SERTM1: variants seen among roughly 807,000 people sequenced by gnomAD.
SERTM1 encodes serine-rich and transmembrane domain-containing protein 1.
In SERTM1, 1 loss-of-function variant was observed where a neutral mutation model predicts 5.5. The observed-to-expected ratio is 0.18, with a 90% CI of 0.06 to 0.86. SERTM1 has a LOEUF of 0.86. Among genes scored for constraint, SERTM1 ranks in the 40% least tolerant of loss-of-function variants. The probability of loss-of-function intolerance (pLI) is 0.69; values close to 1 mark genes in which losing one functional copy is unlikely to be tolerated. For missense variants in SERTM1, 91 were observed against 122.4 expected (o/e 0.74, Z 1.21); for synonymous variants, 52 against 55.1 (o/e 0.94, Z 0.25).
chr13:36,689,456 G>A (rs1593398454), intron 1 of SERTM1, among the ~76,000 whole-genome samples: 1 of 150,880 alleles, frequency 6.6e-6, no homozygotes, highest in East Asian at 1.9e-4. Context: ...AGTGAGCCGA[G>A]ATCATGCCAC....
chr13:36,675,738 C>T (rs532314731), intron 1 of SERTM1, among the ~76,000 whole-genome samples: 5 of 152,184 alleles, frequency 3.3e-5, no homozygotes, highest in African/African-American at 4.8e-5. Context: ...GTGAGTGAGG[C>T]TGCCTGGTCT....
chr13:36,694,016 C>A (rs1358944594), intron 1 of SERTM1, among the ~76,000 whole-genome samples: 3 of 152,154 alleles, frequency 2.0e-5, no homozygotes, highest in Non-Finnish European at 2.9e-5. Context: ...CCACCAAGTC[C>A]CATTATCTCC....
chr13:36,684,870 A>G (rs1383904378), intron 1 of SERTM1, among the ~76,000 whole-genome samples: 1 of 152,192 alleles, frequency 6.6e-6, no homozygotes, highest in Non-Finnish European at 1.5e-5. Flanking sequence ...AATTTCCTTG[A>G]GTGAAAACAT....
chr13:36,686,853 G>T (rs1255345827), intron 1 of SERTM1, among the ~76,000 whole-genome samples: 2 of 152,124 alleles, frequency 1.3e-5, no homozygotes, highest in Admixed American at 6.5e-5. Flanking sequence ...AAATCTTGAA[G>T]TCTGAATCCT....
intron 1 of SERTM1, among the ~76,000 whole-genome samples, chr13:36,689,184 A>T (rs2056761316): frequency 6.6e-6 from 1 of 152,116 alleles, no homozygotes; most frequent in South Asian, 2.1e-4. Flanking sequence ...CCTCCCATGG[A>T]TGTAAACATA....
chr13:36,677,021 G>A (rs1011944503), intron 1 of SERTM1, among the ~76,000 whole-genome samples: 1 of 152,052 alleles, frequency 6.6e-6, no homozygotes, highest in Non-Finnish European at 1.5e-5. Context: ...TGCATTCACG[G>A]GCCATTTCAG....
chr13:36,682,590 A>G (rs2056711984), intron 1 of SERTM1, among the ~76,000 whole-genome samples: 1 of 152,216 alleles, frequency 6.6e-6, no homozygotes, highest in Admixed American at 6.5e-5. Context: ...TACACATATA[A>G]GGATTGAACA....
At chr13:36,682,536 C>A (rs115193742) in intron 1 of SERTM1, among the ~76,000 whole-genome samples, 2,075 of 152,166 alleles carry the variant, frequency 0.014, 52 homozygotes, top group African/African-American at 0.048. Context: ...TAGAGACCTG[C>A]AGTGAATAAA....
rs2056818569 is a variant in SERTM1 at position 36,696,970 on chromosome 13, T to C, written c.*1568T>C. ...GAATCCACTATTTGTACAGGGTTTATCTTTATCATACTAAAATGCTGAGTG... is the reference window on the plus strand; with the variant it reads ...GAATCCACTATTTGTACAGGGTTTACCTTTATCATACTAAAATGCTGAGTG... On this transcript the variant is annotated 3_prime_UTR_variant, in exon 2 of 2. Coordinates refer to ENST00000315190, the MANE Select transcript of SERTM1 (RefSeq NM_203451.3). The C allele has an allele frequency of 2.4e-5, 4 of 167,078 alleles. No homozygotes were observed. Among genetic ancestry groups the C allele is most frequent in the African/African-American group, 9.6e-5 (4 of 41,452 alleles). The allele number at this position is 167,078 out of a possible 1,614,324, so 10.3% of individuals were successfully genotyped here.
chr13:36,692,334 T>C (rs1054371721), intron 1 of SERTM1, among the ~76,000 whole-genome samples: 1 of 152,228 alleles, frequency 6.6e-6, no homozygotes, highest in Middle Eastern at 3.2e-3. Flanking sequence ...ACTCTTAGAA[T>C]ATTTACCCTG....
intron 1 of SERTM1, among the ~76,000 whole-genome samples, chr13:36,687,764 CACA>C (rs969345874): frequency 1.3e-4 from 19 of 151,976 alleles, no homozygotes; most frequent in Admixed American, 4.6e-4. Flanking sequence ...CACACACGCA[CACA>C]ACAACAACAA....
chr13:36,689,229 G>C (rs913042202), intron 1 of SERTM1, among the ~76,000 whole-genome samples: 1 of 152,118 alleles, frequency 6.6e-6, no homozygotes, highest in African/African-American at 2.4e-5. Context: ...GTTACATCCA[G>C]GCGTGGTGGC....
At chr13:36,690,480 G>A (rs536504821) in intron 1 of SERTM1, among the ~76,000 whole-genome samples, 1 of 152,334 alleles carries the variant, frequency 6.6e-6, no homozygotes, top group African/African-American at 2.4e-5. Flanking sequence ...TACATTTAGA[G>A]AAGGGTGGTG....
chr13:36,678,375 C>CA (rs1398234978), intron 1 of SERTM1, among the ~76,000 whole-genome samples: 4 of 151,738 alleles, frequency 2.6e-5, no homozygotes, highest in African/African-American at 7.3e-5. Context: ...TGTTGTTTTA[C>CA]AAAAAATGGA....
chr13:36,690,205 A>C (rs532061974), intron 1 of SERTM1, among the ~76,000 whole-genome samples: 1 of 152,154 alleles, frequency 6.6e-6, no homozygotes, highest in Non-Finnish European at 1.5e-5. Flanking sequence ...AATGTTCTCA[A>C]TGTGCGATAG....
In SERTM1 at chr13:36,695,164, C is replaced by G; in HGVS notation, c.86C>G (p.Thr29Arg). ...GAGCTGTTTCCCACATCCCTGTCCA[C>G]GTCAGTGGACCCATCCTCAGGCCAC... ...FLELFPTSLS[T>R]SVDPSSGHLS... is the part of the protein sequence containing the mutation. The change falls in exon 2 of 2, where the codon ACG (threonine) becomes AGG (arginine). Residue 29 changes from threonine to arginine, a missense_variant. Physicochemically the swap from Thr to Arg is moderately conservative, Grantham distance 71. Coordinates refer to ENST00000315190, the MANE Select transcript of SERTM1 (RefSeq NM_203451.3). The G allele has an allele frequency of 6.2e-7, 1 of 1,614,126 alleles. No individual in the cohort carries two copies. The highest frequency in any genetic ancestry group is 2.2e-5 in the East Asian group (1 of 44,888).
At chr13:36,680,255 G>A (rs945660037) in intron 1 of SERTM1, among the ~76,000 whole-genome samples, 11 of 152,030 alleles carry the variant, frequency 7.2e-5, no homozygotes, top group Non-Finnish European at 1.2e-4. Flanking sequence ...AAGACTCCTC[G>A]CCAACAAAAT....
intron 1 of SERTM1, among the ~76,000 whole-genome samples, 173 bp from the exon 2 acceptor site, chr13:36,694,733 T>C (rs1421850188): frequency 1.3e-5 from 2 of 152,248 alleles, no homozygotes; most frequent in African/African-American, 4.8e-5. Context: ...CGTTCATTTT[T>C]ATATCATCAT....
chr13:36,692,624 T>C (rs1390327173), intron 1 of SERTM1, among the ~76,000 whole-genome samples: 1 of 152,210 alleles, frequency 6.6e-6, no homozygotes, highest in Non-Finnish European at 1.5e-5. Context: ...TTTCTAAGTA[T>C]GATTATGGAA....
Sources: gnomAD v4.1 joint callset for allele counts (sites outside exome capture counted in the v4.1 genomes callset) on GRCh38, gnomAD v4.1.1 for gene constraint, MANE v1.5 for transcripts, NCBI Gene and HGNC (gene_info 2026-07-23, HGNC 2026-07-21) for gene names.